The following CBFA2T3 variants were observed in gnomAD, a reference collection of about 807,000 sequenced individuals.
The protein encoded by CBFA2T3 is CBFA2/RUNX1 partner transcriptional co-repressor 3, also known as transcriptional corepressor CBFA2T3.
Under a neutral mutation model 58.6 loss-of-function variants are expected in CBFA2T3, and 31 were observed. The ratio of observed to expected loss-of-function variants is 0.53; its 90% confidence interval spans 0.40 to 0.71. CBFA2T3 has a LOEUF of 0.71. CBFA2T3 is among the 30% of genes least tolerant of loss of function. The pLI is 0.00. For missense variants in CBFA2T3, 1,076 were observed against 963.1 expected, an observed-to-expected ratio of 1.12 and a Z score of -1.55; for synonymous variants, 531 against 421.9, an observed-to-expected ratio of 1.26 and a Z score of -3.17.
chr16:88,915,420 G>A (rs1352907174), intron 1 of CBFA2T3, among the ~76,000 whole-genome samples: 2 of 35,924 alleles, frequency 5.6e-5, no homozygotes, highest in Non-Finnish European at 1.1e-4. Context: ...GGGGGAGCGT[G>A]GACGGGGGCA....
chr16:88,967,286 CAGGTGTCGAGAG>C (rs1486493817), intron 1 of CBFA2T3, among the ~76,000 whole-genome samples: 3 of 151,862 alleles, frequency 2.0e-5, no homozygotes, highest in African/African-American at 7.2e-5. Flanking sequence ...GTCAGCCTCG[CAGGTGTCGAGAG>C]AGGAAATTGC....
rs147988491 is a variant in CBFA2T3 at position 88,959,417 on chromosome 16, G to A, written c.151+17240C>T. ...CATGCACGCCCAGGGCTGGAGGCAC[G>A]TGGGTGTTCAGGGCCTGTGAGGAGG... is the stretch of plus-strand genomic sequence containing the variant. On this transcript the variant is annotated intron_variant, in intron 1 of 11. Coordinates refer to ENST00000268679, the MANE Select transcript of CBFA2T3 (RefSeq NM_005187.6). Among the ~76,000 whole-genome samples, 194 of 152,322 alleles carry A rather than the reference G, an allele frequency of 1.3e-3. 3 individuals are homozygous for A. The South Asian group carries it at 0.019, about 15-fold the overall frequency.
rs1409158423 is a variant in CBFA2T3, at chr16:88,976,744, T to C, written c.64A>G (p.Met22Val). 2 of 1,557,372 alleles carry C rather than the reference T, an allele frequency of 1.3e-6. No homozygotes were observed. Among genetic ancestry groups the C allele is most frequent in the African/African-American group, 1.4e-5 (1 of 73,798 alleles). Residue 22 changes from methionine to valine, a missense_variant, in exon 1 of 12, where the codon ATG becomes GTG. Transcript: ENST00000268679. ...SSASGSTCGSMSQTHPVLESG... is the reference protein window; with the variant it reads ...SSASGSTCGSVSQTHPVLESG... ...TCCAGCACAGGGTGCGTCTGGGACA[T>C]GGAGCCACAGGTGGATCCCGAGGCT...
At chr16:88,890,099 C>G (rs201228062) in intron 5 of CBFA2T3, among the ~76,000 whole-genome samples, 2 of 151,554 alleles carry the variant, frequency 1.3e-5, no homozygotes, top group African/African-American at 4.9e-5. Context: ...CTCCAGGGGA[C>G]GTTTCAAATC....
At chr16:88,917,787 G>A (rs555277246) in intron 1 of CBFA2T3, among the ~76,000 whole-genome samples, 5 of 152,196 alleles carry the variant, frequency 3.3e-5, no homozygotes, top group South Asian at 4.1e-4. Context: ...TGTGATGTGC[G>A]CACGTATGAC....
chr16:88,975,689 G>C (rs1972839537), intron 1 of CBFA2T3, among the ~76,000 whole-genome samples: 1 of 152,276 alleles, frequency 6.6e-6, no homozygotes, highest in Non-Finnish European at 1.5e-5. Flanking sequence ...ACCCGGGGTT[G>C]GGAAGTTCCT....
intron 1 of CBFA2T3, among the ~76,000 whole-genome samples, chr16:88,914,612 G>C (rs1597719966): frequency 6.6e-6 from 1 of 152,218 alleles, no homozygotes; most frequent in African/African-American, 2.4e-5. Context: ...GTGAGTCTGG[G>C]CCTGTCCTCT....
chr16:88,920,738 C>A (rs1970886703), intron 1 of CBFA2T3, among the ~76,000 whole-genome samples: 1 of 152,238 alleles, frequency 6.6e-6, no homozygotes, highest in African/African-American at 2.4e-5. Flanking sequence ...GCCACACCTG[C>A]CTGCTCCTGG....
At chr16:88,963,317 G>A (rs528460532) in intron 1 of CBFA2T3, among the ~76,000 whole-genome samples, 10 of 151,574 alleles carry the variant, frequency 6.6e-5, no homozygotes, top group East Asian at 1.9e-4. Context: ...TGCCAGGGGC[G>A]GGCGCTCATC....
At chr16:88,915,032 C>T (rs1371874697) in intron 1 of CBFA2T3, among the ~76,000 whole-genome samples, 3 of 150,868 alleles carry the variant, frequency 2.0e-5, no homozygotes, top group Middle Eastern at 3.4e-3. Flanking sequence ...GAGGAAGGGG[C>T]GCTGTCCTTA....
intron 1 of CBFA2T3, among the ~76,000 whole-genome samples, chr16:88,925,881 C>T (rs1971070775): frequency 6.6e-6 from 1 of 152,220 alleles, no homozygotes; most frequent in South Asian, 2.1e-4. Flanking sequence ...GCCATCCTCT[C>T]TACGCCAGAC....
chr16:88,975,170 T>TGCTCCTCAC (rs1597806555), intron 1 of CBFA2T3, among the ~76,000 whole-genome samples: 12 of 137,696 alleles, frequency 8.7e-5, no homozygotes, highest in South Asian at 2.3e-4. Context: ...CCTGACCCTC[T>TGCTCCTCAC]CTGCTCCACA....
intron 1 of CBFA2T3, among the ~76,000 whole-genome samples, chr16:88,909,056 G>A (rs77092139): frequency 6.6e-6 from 1 of 152,306 alleles, no homozygotes; most frequent in East Asian, 1.9e-4. Flanking sequence ...CTGACCACAG[G>A]CCCCAGGCAG....
intron 1 of CBFA2T3, among the ~76,000 whole-genome samples, chr16:88,904,413 G>C (rs1468605661): frequency 6.6e-6 from 1 of 152,158 alleles, no homozygotes; most frequent in Non-Finnish European, 1.5e-5. Flanking sequence ...AGGTCACACC[G>C]CGAGTGTGCT....
chr16:88,975,560 G>C lies in CBFA2T3; in HGVS notation c.151+1097C>G, dbSNP rs1027650577. ...GACAGGGCCGCTCCAGAGAGGACGGGATGGCAGATGCCAGGGCCAGTGGGC... is the reference window on the plus strand; with the variant it reads ...GACAGGGCCGCTCCAGAGAGGACGGCATGGCAGATGCCAGGGCCAGTGGGC... On this transcript the variant is annotated intron_variant, in intron 1 of 11. Transcript: ENST00000268679. Among the ~76,000 whole-genome samples the C allele has an allele frequency of 4.6e-5, 7 of 152,398 alleles. No homozygotes were observed. In the East Asian group the frequency reaches 1.3e-3, roughly 29 times the overall value.
intron 10 of CBFA2T3, 27 bp downstream of exon 10, chr16:88,880,693 T>C: frequency 1.3e-6 from 2 of 1,546,986 alleles, no homozygotes. Flanking sequence ...ACAGCTCTGC[T>C]GGCCAGGCCC....
chr16:88,969,593 C>T lies in CBFA2T3; in HGVS notation c.151+7064G>A, dbSNP rs185543880. ...CAGCAGTTTCCATTCCCACCATGGT[C>T]GGGTCCAGCCACTGCCCCTCACAGA... On this transcript the variant is annotated intron_variant, in intron 1 of 11. Transcript: ENST00000268679. Among the ~76,000 whole-genome samples the T allele has an allele frequency of 5.3e-5, 8 of 152,338 alleles. No individual in the cohort carries two copies. In the East Asian group the frequency reaches 9.7e-4, roughly 18 times the overall value.
intron 1 of CBFA2T3, among the ~76,000 whole-genome samples, chr16:88,943,761 A>G (rs1971825706): frequency 6.6e-6 from 1 of 152,190 alleles, no homozygotes; most frequent in Non-Finnish European, 1.5e-5. Flanking sequence ...GCCTTATCCA[A>G]GAACTGGTTT....
Position 88,881,361 on chromosome 16 carries a change from T to G in CBFA2T3, c.1332A>C (p.Thr444=). The change falls in exon 9 of 12, where the codon ACA becomes ACC. Residue 444 remains threonine (T), a synonymous_variant. Coordinates refer to ENST00000268679, the MANE Select transcript of CBFA2T3 (RefSeq NM_005187.6). The part of the protein sequence containing the change: ...WARRYSDAED[T]KKGPAPAAAR... ...CCGCGGCGGGAGCGGGGCCCTTCTT[T>G]GTGTCCTCGGCGTCGCTGTAGCGCC... 2 of 1,586,324 alleles carry G rather than the reference T, an allele frequency of 1.3e-6. No homozygotes were observed. Among genetic ancestry groups the G allele is most frequent in the Non-Finnish European group, 1.7e-6 (2 of 1,167,914 alleles).
Sources: allele counts gnomAD v4.1 joint callset (sites outside exome capture counted in the v4.1 genomes callset), GRCh38; gene constraint gnomAD v4.1.1; transcripts MANE v1.5; gene names NCBI Gene and HGNC (gene_info 2026-07-23, HGNC 2026-07-21).